Variants in FNBP4 observed in about 807,000 individuals in gnomAD.
The protein encoded by FNBP4 is formin binding protein 4.
FNBP4 carries 34 observed loss-of-function variants against 119.3 expected under a neutral mutation model. The observed-to-expected ratio is 0.28, with a 90% CI of 0.22 to 0.38. The LOEUF (loss-of-function observed/expected upper bound fraction) is 0.38, where lower values mean the gene tolerates loss of function less well. Ranked by LOEUF, FNBP4 falls within the 10% of genes least tolerant of loss-of-function variation. FNBP4 has a pLI of 1.00. For missense variants in FNBP4, 1,112 were observed against 1,228.9 expected (o/e 0.90, Z 1.42); for synonymous variants, 462 against 430.6 (o/e 1.07, Z -0.90).
At position 47,746,037 on chromosome 11, in the gene FNBP4, G is replaced by GT. The variant is rs2097589555; in HGVS notation, c.1245+18dup. 6.4e-7 allele frequency: 1 copy of GT among 1,571,218 alleles called. No individual in the cohort carries two copies. Among genetic ancestry groups the GT allele is most frequent in the South Asian group, 1.2e-5 (1 of 83,036 alleles). On this transcript the variant is annotated intron_variant, in intron 7 of 16. Transcript: ENST00000263773. Reference sequence around the variant, plus strand: ...GTACTGAGGAAAAAACATTCTACAAGTAACTTTCAAAAGCTTACTTTTTTC... The same window carrying GT: ...GTACTGAGGAAAAAACATTCTACAAGTTAACTTTCAAAAGCTTACTTTTTTC...
chr11:47,723,209 G>A lies in FNBP4; in HGVS notation c.2572C>T (p.Leu858=), dbSNP rs1485586386. 6.2e-7 allele frequency: 1 copy of A among 1,614,206 alleles called. No individual in the cohort carries two copies. The highest frequency in any genetic ancestry group is 1.7e-5 in the Admixed American group (1 of 60,016). The stretch of plus-strand genomic sequence containing the variant: ...GCTAGTCCAAGGTAATTTGACTGCA[G>A]GCTCATTCCTCTGGCCTGATGACCC... ...GMGHQARGMS[L]QSNYLGLAAA... The change falls in exon 15 of 17, where the codon CTG becomes TTG. Residue 858 remains leucine (L), a synonymous_variant. Transcript: ENST00000263773.
Position 47,751,248 on chromosome 11 carries a change from T to A in FNBP4, c.680A>T (p.Asn227Ile). Residue 227 changes from asparagine (N) to isoleucine (I), a missense_variant, in exon 5 of 17, where the codon AAC (asparagine) becomes ATC (isoleucine). Coordinates refer to ENST00000263773, the MANE Select transcript of FNBP4 (RefSeq NM_015308.5). ...MGDWQEVWDE[N>I]TGCYYYWNTQ... ...ATTCCAATAATAATAACATCCCGTG[T>A]TCTCATCCCAGACTTCCTGCCAATC... The A allele has an allele frequency of 1.9e-6, 3 of 1,614,178 alleles. No individual in the cohort carries two copies. Among genetic ancestry groups the A allele is most frequent in the Non-Finnish European group, 2.5e-6 (3 of 1,180,036 alleles).
At chr11:47,763,587 G>A (rs560061296) in intron 2 of FNBP4, among the ~76,000 whole-genome samples, 31 of 151,326 alleles carry the variant, frequency 2.0e-4, no homozygotes, top group Admixed American at 4.6e-4. Flanking sequence ...TGCAAGCTCC[G>A]CCTCCCGGGT....
chr11:47,725,789 T>C (rs897704456), intron 12 of FNBP4: 5 of 983,304 alleles, frequency 5.1e-6, no homozygotes, highest in Non-Finnish European at 6.0e-6. Context: ...TCACAATATA[T>C]GGGACTATTA....
chr11:47,759,852 C>A (rs935550608), intron 2 of FNBP4, among the ~76,000 whole-genome samples: 2 of 152,118 alleles, frequency 1.3e-5, no homozygotes, highest in Admixed American at 6.6e-5. Flanking sequence ...ACTTGGGAGG[C>A]TGAGGCAGGA....
chr11:47,752,802 A>C lies in FNBP4; in HGVS notation c.637+114T>G. On this transcript the variant is annotated intron_variant, in intron 4 of 16. Coordinates refer to ENST00000263773, the MANE Select transcript of FNBP4 (RefSeq NM_015308.5). The stretch of plus-strand genomic sequence containing the variant: ...GCACTCCAGCCTGGGCGACAGAGCG[A>C]GATTCCATCTCAAAACAAACAAACA... The C allele has an allele frequency of 8.0e-6, 8 of 1,006,082 alleles. No homozygotes were observed. In the South Asian group the frequency reaches 1.3e-4, roughly 16 times the overall value. The allele number at this position is 1,006,082 out of a possible 1,614,324, so 62.3% of individuals were successfully genotyped here.
At chr11:47,741,057 C>T (rs893853710) in intron 8 of FNBP4, among the ~76,000 whole-genome samples, 1 of 151,148 alleles carries the variant, frequency 6.6e-6, no homozygotes, top group African/African-American at 2.5e-5. Flanking sequence ...TTGGTAGAGA[C>T]GGGGTCTCAC....
chr11:47,736,907 AC>A (rs1395881459), intron 8 of FNBP4, among the ~76,000 whole-genome samples, 167 bp from the exon 9 acceptor site: 1 of 152,084 alleles, frequency 6.6e-6, no homozygotes, highest in Non-Finnish European at 1.5e-5. Flanking sequence ...TGTCTATATA[AC>A]CCAAAAACAA....
At position 47,746,247 on chromosome 11, in the gene FNBP4, C is replaced by T; in HGVS notation, c.1054G>A (p.Val352Ile). The change falls in exon 7 of 17, where the codon GTT becomes ATT. Residue 352 changes from valine (V) to isoleucine (I), a missense_variant. Physicochemically the swap from Val to Ile is conservative, Grantham distance 29. Around this residue, in one of 2 missense-constraint regions of FNBP4, gnomAD observed 826 missense variants for 988.8 expected, o/e 0.84. Coordinates refer to ENST00000263773, the MANE Select transcript of FNBP4 (RefSeq NM_015308.5). ...RRKVICKEEP[V>I]SEVKETSTTV... ...GTACTTGTTTCTTTTACTTCTGAAA[C>T]TGGCTCCTCTTTACAAATTACTTTT... 6.2e-7 allele frequency: 1 copy of T among 1,614,142 alleles called. No homozygotes were observed. Among genetic ancestry groups the T allele is most frequent in the Non-Finnish European group, 8.5e-7 (1 of 1,180,022 alleles).
chr11:47,723,260 G>A lies in FNBP4; in HGVS notation c.2521C>T (p.Pro841Ser), dbSNP rs552225968. 8.7e-6 allele frequency: 14 copies of A among 1,614,080 alleles called. No individual in the cohort carries two copies. In the African/African-American group the frequency reaches 1.9e-4, roughly 22 times the overall value. Residue 841 changes from proline to serine, a missense_variant, in exon 15 of 17, where the codon CCA (proline) becomes TCA (serine). This residue lies in a region of FNBP4 where 826 missense variants were observed against 988.8 expected (regional missense o/e 0.84). Coordinates refer to ENST00000263773, the MANE Select transcript of FNBP4 (RefSeq NM_015308.5). ...QATGIGHQTIPVSLPAAGMGH... is the reference protein window; with the variant it reads ...QATGIGHQTISVSLPAAGMGH... ...ATTCCTGCTGCTGGAAGGCTAACTG[G>A]TATTGTCTGATGTCCAATTCCTGTT...
In FNBP4 at chr11:47,734,142, A is replaced by C. The variant is rs2097570857; in HGVS notation, c.1582-13T>G. 2.1e-6 allele frequency: 3 copies of C among 1,433,512 alleles called. No individual in the cohort carries two copies. Among genetic ancestry groups the C allele is most frequent in the Non-Finnish European group, 1.9e-6 (2 of 1,044,958 alleles). The allele number at this position is 1,433,512 out of a possible 1,614,324, so 88.8% of individuals were successfully genotyped here. A position where few individuals can be genotyped will look rare whatever the true frequency, so the allele number is the denominator to read the frequency against. ...CTCCAATCTGAAACTACAATGCAAA[A>C]AAGAAAAAAAGTAAAACTAGAATCC... On this transcript the variant is annotated splice_polypyrimidine_tract_variant and intron_variant, in intron 9 of 16. Transcript: ENST00000263773.
intron 8 of FNBP4, among the ~76,000 whole-genome samples, chr11:47,740,127 T>C (rs779295899): frequency 1.3e-5 from 2 of 151,674 alleles, no homozygotes; most frequent in African/African-American, 2.4e-5. Context: ...AAAATTCAAG[T>C]AAATTGGTCA....
chr11:47,746,077 C>T lies in FNBP4; in HGVS notation c.1224G>A (p.Glu408=). The stretch of plus-strand genomic sequence containing the variant: ...TTACTTTTTTCCTTTCCAAAACTAG[C>T]TCCAGTTCAAGGGTATCTTGTTCCT... The part of the protein sequence containing the change: ...EEEEQDTLEL[E]LVLERKKAEL... The change falls in exon 7 of 17, where the codon GAG becomes GAA. Residue 408 remains glutamate (E), a synonymous_variant. Transcript: ENST00000263773. 6.3e-7 allele frequency: 1 copy of T among 1,595,578 alleles called. No individual in the cohort carries two copies. The highest frequency in any genetic ancestry group is 8.5e-7 in the Non-Finnish European group (1 of 1,175,198).
rs1291836437 is a variant in FNBP4, at chr11:47,719,898, C to T, written c.2963+31G>A. On this transcript the variant is annotated intron_variant, in intron 16 of 16. Coordinates refer to ENST00000263773, the MANE Select transcript of FNBP4 (RefSeq NM_015308.5). The stretch of plus-strand genomic sequence containing the variant: ...AGTAGGTCTCAACCTACTCCAAAAC[C>T]CCATCTCATCTGTGTTTCCTTTTCT... The T allele has an allele frequency of 2.5e-6, 4 of 1,611,342 alleles. No individual in the cohort carries two copies. In the South Asian group the frequency reaches 4.4e-5, roughly 18 times the overall value.
At chr11:47,751,336 G>A (rs372999242) in intron 4 of FNBP4, 46 bp from the exon 5 acceptor site, 9 of 1,607,884 alleles carry the variant, frequency 5.6e-6, no homozygotes, top group Admixed American at 5.0e-5. Flanking sequence ...CTACAATTCT[G>A]GCTTACATAT....
intron 9 of FNBP4, among the ~76,000 whole-genome samples, chr11:47,734,603 A>G (rs1212040772): frequency 6.6e-6 from 1 of 152,200 alleles, no homozygotes; most frequent in Non-Finnish European, 1.5e-5. Context: ...GAGTAGAATT[A>G]GAATGGTGGT....
chr11:47,741,371 T>C (rs554915874), intron 8 of FNBP4, among the ~76,000 whole-genome samples: 2 of 151,858 alleles, frequency 1.3e-5, no homozygotes, highest in African/African-American at 4.9e-5. Context: ...TGTCTTGCTA[T>C]ATTGTCCAGG....
At chr11:47,761,049 G>A (rs767089091) in intron 2 of FNBP4, among the ~76,000 whole-genome samples, 1 of 152,064 alleles carries the variant, frequency 6.6e-6, no homozygotes, top group Non-Finnish European at 1.5e-5. Context: ...TCAAACAGTG[G>A]ACTGGCAAAG....
chr11:47,727,651 TA>T (rs2097562695), intron 12 of FNBP4, among the ~76,000 whole-genome samples: 1 of 152,168 alleles, frequency 6.6e-6, no homozygotes, highest in Non-Finnish European at 1.5e-5. Context: ...AAATAAATAA[TA>T]AAAATACTCC....
Sources: gnomAD v4.1 joint callset for allele counts (sites outside exome capture counted in the v4.1 genomes callset) on GRCh38, gnomAD v4.1.1 for gene constraint, gnomAD v4.1.1 regional missense constraint, MANE v1.5 for transcripts, NCBI Gene and HGNC (gene_info 2026-07-23, HGNC 2026-07-21) for gene names.